Variants in HCN1 observed in about 807,000 individuals in gnomAD.
HCN1 encodes hyperpolarization activated cyclic nucleotide gated potassium channel 1.
In HCN1, 13 loss-of-function variants were observed where a neutral mutation model predicts 78.9. The observed-to-expected ratio is 0.16, with a 90% CI of 0.11 to 0.26. The LOEUF is 0.26. Among genes scored for constraint, HCN1 ranks in the 10% least tolerant of loss-of-function variants. HCN1 has a pLI of 1.00. For synonymous variants in HCN1, 552 were observed against 455.5 expected (o/e 1.21, Z -2.70); for missense variants, 810 against 1,154.3 (o/e 0.70, Z 4.32).
intron 2 of HCN1, among the ~76,000 whole-genome samples, chr5:45,597,194 G>T (rs1035442853): frequency 1.3e-5 from 2 of 152,144 alleles, no homozygotes; most frequent in African/African-American, 4.8e-5. Flanking sequence ...ACAGAATCCT[G>T]CAGCACATCA....
chr5:45,564,385 C>T (rs953610128), intron 2 of HCN1, among the ~76,000 whole-genome samples: 1 of 152,074 alleles, frequency 6.6e-6, no homozygotes, highest in Non-Finnish European at 1.5e-5. Flanking sequence ...CTCAGCCTCC[C>T]GAGTAGCTGG....
At chr5:45,370,554 A>G (rs1747331895) in intron 4 of HCN1, among the ~76,000 whole-genome samples, 1 of 152,106 alleles carries the variant, frequency 6.6e-6, no homozygotes, top group Non-Finnish European at 1.5e-5. Flanking sequence ...TAAAAAATAT[A>G]AACTAAATGT....
At chr5:45,485,542 A>T (rs150183478) in intron 2 of HCN1, among the ~76,000 whole-genome samples, 6 of 152,326 alleles carry the variant, frequency 3.9e-5, no homozygotes, top group African/African-American at 1.4e-4. Flanking sequence ...CTATTTTATG[A>T]ATTCCCAACA....
At chr5:45,463,046 A>T (rs34876813) in intron 2 of HCN1, among the ~76,000 whole-genome samples, 1 of 152,190 alleles carries the variant, frequency 6.6e-6, no homozygotes, top group East Asian at 1.9e-4. Context: ...ACTTATAAAC[A>T]CAATAACTTC....
intron 5 of HCN1, among the ~76,000 whole-genome samples, chr5:45,308,496 CT>C (rs1745783441): frequency 6.6e-6 from 1 of 151,944 alleles, no homozygotes; most frequent in Non-Finnish European, 1.5e-5. Flanking sequence ...TTAAAAAGAT[CT>C]CCTAGTAAAT....
At chr5:45,613,798 G>A (rs893615167) in intron 2 of HCN1, among the ~76,000 whole-genome samples, 1 of 151,970 alleles carries the variant, frequency 6.6e-6, no homozygotes, top group Non-Finnish European at 1.5e-5. Context: ...AAATTCTTCA[G>A]TAAAATTAGA....
At chr5:45,694,967 G>C (rs1739976864) in intron 1 of HCN1, 1 of 152,176 alleles carries the variant, frequency 6.6e-6, no homozygotes, top group Admixed American at 6.5e-5. Flanking sequence ...AAGGGGCTCT[G>C]TCAACGCCCC....
intron 4 of HCN1, among the ~76,000 whole-genome samples, chr5:45,374,629 C>T (rs1442881510): frequency 1.3e-5 from 2 of 150,412 alleles, no homozygotes; most frequent in East Asian, 3.9e-4. Context: ...GGAGGGACTC[C>T]TTCCTAACTC....
At chr5:45,575,199 G>A (rs907105928) in intron 2 of HCN1, 5 of 152,142 alleles carry the variant, frequency 3.3e-5, no homozygotes, top group Admixed American at 2.0e-4. Context: ...ATCAATGCCT[G>A]TTTAAATCTT....
chr5:45,539,917 GAGATATAT>G (rs1330366234), intron 2 of HCN1, among the ~76,000 whole-genome samples: 2 of 65,916 alleles, frequency 3.0e-5, no homozygotes, highest in Non-Finnish European at 2.6e-5. Context: ...TTTAAATTGT[GAGATATAT>G]ATATATATAT....
At chr5:45,447,498 C>A (rs1026749477) in intron 3 of HCN1, among the ~76,000 whole-genome samples, 6 of 152,170 alleles carry the variant, frequency 3.9e-5, no homozygotes, top group African/African-American at 9.7e-5. Context: ...CTGTCTTGGC[C>A]TATCAAAGTG....
In HCN1 at chr5:45,267,097, T is replaced by C. The variant is rs1166669677; in HGVS notation, c.1775A>G (p.Asp592Gly). Reference sequence around the variant, plus strand: ...GTAGAAAACTAGAGTACCTATTCGATCTAGTCGGTCAATGGCAACTGTCTC... The same window carrying C: ...GTAGAAAACTAGAGTACCTATTCGACCTAGTCGGTCAATGGCAACTGTCTC... ...AFETVAIDRLDRIGKKNSILL... is the reference protein window; with the variant it reads ...AFETVAIDRLGRIGKKNSILL... The change falls in exon 7 of 8, where the codon GAT becomes GGT. Residue 592 changes from aspartate (D) to glycine (G), a missense_variant. Asp to Gly is a moderately conservative substitution (Grantham distance 94). This residue lies in a region of HCN1 where 36 missense variants were observed against 58.5 expected (regional missense o/e 0.62). Coordinates refer to ENST00000303230, the MANE Select transcript of HCN1 (RefSeq NM_021072.4). The C allele has an allele frequency of 6.2e-7, 1 of 1,612,614 alleles. No homozygotes were observed. Among genetic ancestry groups the C allele is most frequent in the Non-Finnish European group, 8.5e-7 (1 of 1,178,800 alleles).
At chr5:45,643,531 T>C (rs981717062) in intron 2 of HCN1, 12 of 152,188 alleles carry the variant, frequency 7.9e-5, no homozygotes, top group African/African-American at 2.7e-4. Flanking sequence ...AAGATATTTA[T>C]AACTAAAACA....
At chr5:45,601,682 T>C (rs924742055) in intron 2 of HCN1, among the ~76,000 whole-genome samples, 4 of 152,148 alleles carry the variant, frequency 2.6e-5, no homozygotes, top group Non-Finnish European at 4.4e-5. Flanking sequence ...ATTAGTTGTA[T>C]TCAGGCATTC....
chr5:45,395,728 T>A (rs1739673325), intron 4 of HCN1, among the ~76,000 whole-genome samples: 1 of 152,178 alleles, frequency 6.6e-6, no homozygotes, highest in Admixed American at 6.6e-5. Context: ...CATTACACAT[T>A]GTTCCATTAA....
Position 45,681,972 on chromosome 5 carries a change from G to C in HCN1, c.425+13697C>G, listed in dbSNP as rs1054279164. Among the ~76,000 whole-genome samples the C allele has an allele frequency of 2.6e-5, 4 of 152,146 alleles. No homozygotes were observed. The South Asian group carries it at 6.2e-4, about 24-fold the overall frequency. On this transcript the variant is annotated intron_variant, in intron 1 of 7. Coordinates refer to ENST00000303230, the MANE Select transcript of HCN1 (RefSeq NM_021072.4). ...AACCCACATGATAGTGGTGTTGGGAGGAGGGGCCTTTGGGAGGTGATTAGG... is the reference window on the plus strand; with the variant it reads ...AACCCACATGATAGTGGTGTTGGGACGAGGGGCCTTTGGGAGGTGATTAGG...
At chr5:45,534,532 A>G (rs1475991439) in intron 2 of HCN1, among the ~76,000 whole-genome samples, 1 of 151,390 alleles carries the variant, frequency 6.6e-6, no homozygotes, top group African/African-American at 2.4e-5. Flanking sequence ...TGAAGTGTAT[A>G]ATGTCATAAC....
intron 2 of HCN1, chr5:45,617,311 A>T (rs1183769064): frequency 6.6e-6 from 1 of 152,068 alleles, no homozygotes; most frequent in African/African-American, 2.4e-5. Flanking sequence ...TTTAAAACAC[A>T]AGTTAATCAT....
chr5:45,365,209 G>C (rs1439184801), intron 4 of HCN1, among the ~76,000 whole-genome samples: 2 of 151,490 alleles, frequency 1.3e-5, no homozygotes, highest in Non-Finnish European at 2.9e-5. Context: ...TTTCATGTTA[G>C]ATTTAGGGAA....
Sources: gnomAD v4.1 joint callset for allele counts (sites outside exome capture counted in the v4.1 genomes callset) on GRCh38, gnomAD v4.1.1 for gene constraint, gnomAD v4.1.1 regional missense constraint, MANE v1.5 for transcripts, NCBI Gene and HGNC (gene_info 2026-07-23, HGNC 2026-07-21) for gene names.